The following AMN variants were observed in gnomAD, a reference collection of about 807,000 sequenced individuals.
The protein encoded by AMN is amnion associated transmembrane protein.
In AMN, 40 loss-of-function variants were observed where a neutral mutation model predicts 49.1. The observed-to-expected ratio is 0.81, with a 90% CI of 0.63 to 1.06. The LOEUF (loss-of-function observed/expected upper bound fraction) is 1.06. Ranked by LOEUF, AMN falls within the 50% of genes least tolerant of loss-of-function variation. AMN has a pLI of 0.00. For missense variants in AMN, 701 were observed against 662.8 expected, an observed-to-expected ratio of 1.06 and a Z score of -0.63; for synonymous variants, 380 against 313.3, an observed-to-expected ratio of 1.21 and a Z score of -2.25.
At chr14:102,923,684 C>A (rs1488897665) in intron 1 of AMN, 27 bp from the exon 2 acceptor site, 3 of 1,589,342 alleles carry the variant, frequency 1.9e-6, no homozygotes, top group South Asian at 1.1e-5. Context: ...GGAGAGCATC[C>A]CGGGCACTCA....
chr14:102,923,409 C>T (rs1891106999), intron 1 of AMN: 2 of 438,778 alleles, frequency 4.6e-6, no homozygotes, highest in Admixed American at 3.5e-5. Context: ...ACAACGCTGT[C>T]CTCTGCTCCA....
chr14:102,924,014 G>A (rs769243461), intron 3 of AMN, 35 bp downstream of exon 3: 2 of 1,613,170 alleles, frequency 1.2e-6, no homozygotes, highest in Non-Finnish European at 1.7e-6. Flanking sequence ...TGGGCTGGGG[G>A]TTCACAGAGT....
Position 102,930,672 on chromosome 14 carries a change from G to T in AMN, c.1354G>T (p.Glu452Ter). The change falls in exon 12 of 12, where the codon GAG (glutamate) becomes TAG (stop). Residue 452 changes from glutamate to a stop codon, truncating the protein, a stop_gained. Transcript: ENST00000299155. LOFTEE classifies it high-confidence loss of function. ...VNPLFAGAEA[E>*]A The stretch of plus-strand genomic sequence containing the variant: ...CCCTCTGTTCGCCGGGGCCGAGGCC[G>T]AGGCCTGAGCGGCCGCCTGACCGTC... The T allele has an allele frequency of 6.3e-7, 1 of 1,588,766 alleles. No individual in the cohort carries two copies. The highest frequency in any genetic ancestry group is 2.3e-5 in the East Asian group (1 of 43,412).
chr14:102,929,945 G>A lies in AMN; in HGVS notation c.865G>A (p.Val289Met). 6.4e-7 allele frequency: 1 copy of A among 1,562,528 alleles called. No individual in the cohort carries two copies. The highest frequency in any genetic ancestry group is 8.7e-7 in the Non-Finnish European group (1 of 1,154,350). The change falls in exon 9 of 12, where the codon GTG becomes ATG. Residue 289 changes from valine (V) to methionine (M), a missense_variant. Val to Met is a conservative substitution (Grantham distance 21). Coordinates refer to ENST00000299155, the MANE Select transcript of AMN (RefSeq NM_030943.4). ...LGLPQYHGLQ[V>M]AVSKVPRSSR... is the part of the protein sequence containing the mutation. ...CCAGCCTCAGTACCACGGGCTGCAG[G>A]TGGCCGTGTCCAAGGTGCCACGCTC...
intron 3 of AMN, among the ~76,000 whole-genome samples, chr14:102,927,369 T>TC (rs35298900): frequency 1.3e-5 from 2 of 152,252 alleles, no homozygotes; most frequent in Admixed American, 6.5e-5. Context: ...TTTCTATTTT[T>TC]CCCCTTCGTT....
At chr14:102,924,440 TTCAGA>T (rs1406037994) in intron 3 of AMN, among the ~76,000 whole-genome samples, 2 of 152,180 alleles carry the variant, frequency 1.3e-5, no homozygotes, top group Admixed American at 1.3e-4. Flanking sequence ...TCTGCCTCCC[TTCAGA>T]TCAGATCAGA....
At chr14:102,930,530 G>T in intron 11 of AMN, 37 bp downstream of exon 11, 1 of 1,544,516 alleles carries the variant, frequency 6.5e-7, no homozygotes, top group Non-Finnish European at 8.7e-7. Flanking sequence ...GCCTCCTCGG[G>T]GCCGGGACTC....
intron 1 of AMN, chr14:102,923,065 G>C: frequency 3.0e-6 from 1 of 330,512 alleles, no homozygotes. Flanking sequence ...GCGAGTGTGC[G>C]CCTGCGGGGC....
At position 102,930,658 on chromosome 14, in the gene AMN, C is replaced by G. The variant is rs1352617436; in HGVS notation, c.1340C>G (p.Ala447Gly). The G allele has an allele frequency of 1.3e-6, 2 of 1,595,796 alleles. No homozygotes were observed. The highest frequency in any genetic ancestry group is 1.7e-6 in the Non-Finnish European group (2 of 1,172,630). ...SHSYFVNPLF[A>G]GAEAEA ...AGTTACTTCGTCAACCCTCTGTTCG[C>G]CGGGGCCGAGGCCGAGGCCTGAGCG... The change falls in exon 12 of 12, where the codon GCC becomes GGC. Residue 447 changes from alanine to glycine, a missense_variant. Coordinates refer to ENST00000299155, the MANE Select transcript of AMN (RefSeq NM_030943.4).
chr14:102,928,434 G>A lies in AMN; in HGVS notation c.216G>A (p.Pro72=). Residue 72 remains proline (P), a synonymous_variant, in exon 4 of 12, where the codon CCG becomes CCA. Transcript: ENST00000299155. ...GCCCGTGTCTCTTGCAGCTCCTGCC[G>A]CTGGATGGGGAACTCGTCCTGGCTT... The part of the protein sequence containing the change: ...EGHAVSDMLL[P]LDGELVLASG... 1 of 1,603,586 alleles carries A rather than the reference G, an allele frequency of 6.2e-7. No individual in the cohort carries two copies. Among genetic ancestry groups the A allele is most frequent in the South Asian group, 1.1e-5 (1 of 89,544 alleles).
At chr14:102,929,051 C>T (rs933777658) in intron 5 of AMN, 70 bp from the exon 6 acceptor site, 13 of 1,596,698 alleles carry the variant, frequency 8.1e-6, no homozygotes, top group Admixed American at 1.7e-5. Context: ...GGTCTGCACA[C>T]GTTGGGTCTG....
At chr14:102,923,114 A>C (rs1340541451) in intron 1 of AMN, 1 of 268,228 alleles carries the variant, frequency 3.7e-6, no homozygotes, top group Non-Finnish European at 7.2e-6. Context: ...CCAAGGGAGC[A>C]CTGAGCCCTC....
At chr14:102,927,974 C>A (rs1163546381) in intron 3 of AMN, among the ~76,000 whole-genome samples, 1 of 152,244 alleles carries the variant, frequency 6.6e-6, no homozygotes, top group Non-Finnish European at 1.5e-5. Flanking sequence ...CTCCCTCACA[C>A]ACCAAGAGCG....
Position 102,930,223 on chromosome 14 carries a change from C to A in AMN, c.1065C>A (p.Gly355=). The A allele has an allele frequency of 1.4e-6, 2 of 1,412,258 alleles. No homozygotes were observed. Among genetic ancestry groups the A allele is most frequent in the Non-Finnish European group, 1.8e-6 (2 of 1,086,100 alleles). The allele number at this position is 1,412,258 out of a possible 1,614,324, so 87.5% of individuals were successfully genotyped here. A position where few individuals can be genotyped will look rare whatever the true frequency, so the allele number is the denominator to read the frequency against. The change falls in exon 10 of 12, where the codon GGC becomes GGA. Residue 355 remains glycine, a synonymous_variant. Coordinates refer to ENST00000299155, the MANE Select transcript of AMN (RefSeq NM_030943.4). ...TMRESGAHVW[G]SSAAGLAGGV... Reference sequence around the variant, plus strand: ...GGGAGTCGGGCGCACACGTCTGGGGCAGCTCCGCGGCTGGGCTGGCGGGCG... The same window carrying A: ...GGGAGTCGGGCGCACACGTCTGGGGAAGCTCCGCGGCTGGGCTGGCGGGCG...
chr14:102,929,887 G>T, intron 8 of AMN, 37 bp from the exon 9 acceptor site: 1 of 1,549,798 alleles, frequency 6.5e-7, no homozygotes, highest in Non-Finnish European at 8.7e-7. Context: ...GGGGAGGGCG[G>T]GGGGCTGAGT....
In AMN at chr14:102,930,671, C is replaced by A; in HGVS notation, c.1353C>A (p.Ala451=). ...FVNPLFAGAE[A]EA Reference sequence around the variant, plus strand: ...ACCCTCTGTTCGCCGGGGCCGAGGCCGAGGCCTGAGCGGCCGCCTGACCGT... The same window carrying A: ...ACCCTCTGTTCGCCGGGGCCGAGGCAGAGGCCTGAGCGGCCGCCTGACCGT... Residue 451 remains alanine (A), a synonymous_variant, in exon 12 of 12, where the codon GCC becomes GCA. Coordinates refer to ENST00000299155, the MANE Select transcript of AMN (RefSeq NM_030943.4). 6.3e-7 allele frequency: 1 copy of A among 1,589,304 alleles called. No homozygotes were observed. The highest frequency in any genetic ancestry group is 1.8e-5 in the Admixed American group (1 of 57,046).
Position 102,923,688 on chromosome 14 carries a change from G to A in AMN, c.44-23G>A, listed in dbSNP as rs190805490. 2.1e-5 allele frequency: 34 copies of A among 1,591,280 alleles called. No individual in the cohort carries two copies. The East Asian group carries it at 6.5e-4, about 30-fold the overall frequency. ...GGGAGCATCCCGGAGAGCATCCCGG[G>A]CACTCAGTCGCCTCCTCCCCAGCAC... On this transcript the variant is annotated intron_variant, in intron 1 of 11. Transcript: ENST00000299155.
chr14:102,929,816 G>T, intron 8 of AMN, 79 bp downstream of exon 8: 1 of 1,542,592 alleles, frequency 6.5e-7, no homozygotes. Flanking sequence ...CCTTCTGCAG[G>T]GTCCCTGCGG....
chr14:102,924,091 G>A, intron 3 of AMN, 112 bp downstream of exon 3: 2 of 1,479,636 alleles, frequency 1.4e-6, no homozygotes, highest in Non-Finnish European at 1.9e-6. Context: ...GGCACTGCAG[G>A]ACTGGGACTT....
Sources: allele counts gnomAD v4.1 joint callset (sites outside exome capture counted in the v4.1 genomes callset), GRCh38; gene constraint gnomAD v4.1.1; transcripts MANE v1.5; gene names NCBI Gene and HGNC (gene_info 2026-07-23, HGNC 2026-07-21).